The following ZMYM2 variants were observed in gnomAD, a reference collection of about 807,000 sequenced individuals.
ZMYM2 encodes the protein zinc finger MYM-type protein 2.
Under a neutral mutation model 162.8 loss-of-function variants are expected in ZMYM2, and 56 were observed. The ratio of observed to expected loss-of-function variants is 0.34; its 90% CI spans 0.28 to 0.43. The LOEUF (loss-of-function observed/expected upper bound fraction) is 0.43. Among genes scored for constraint, ZMYM2 ranks in the 20% least tolerant of loss-of-function variants. The probability of loss-of-function intolerance (pLI) is 1.00; values close to 1 mark genes in which losing one functional copy is unlikely to be tolerated. For synonymous variants in ZMYM2, 510 were observed against 541.6 expected (o/e 0.94, Z 0.81); for missense variants, 1,275 against 1,621.8 (o/e 0.79, Z 3.67).
At chr13:19,944,665 T>A in the ZMYM2 span, among the ~76,000 whole-genome samples, 1 of 152,124 alleles carries the variant, frequency 6.6e-6, no homozygotes, top group African/African-American at 2.4e-5. Context: ...CACCTCTCCT[T>A]CCATGTCCTA....
the ZMYM2 span, among the ~76,000 whole-genome samples, chr13:19,883,018 C>A: frequency 6.6e-6 from 1 of 151,910 alleles, no homozygotes; most frequent in Non-Finnish European, 1.5e-5. Context: ...CATTAATGGA[C>A]GAAAGGATAA....
At chr13:20,019,251 G>A (rs537248668) in intron 6 of ZMYM2, among the ~76,000 whole-genome samples, 12 of 152,264 alleles carry the variant, frequency 7.9e-5, no homozygotes, top group Admixed American at 2.0e-4. Flanking sequence ...CAAATTAGAA[G>A]TGATTTTACT....
At chr13:20,083,084 C>CA (rs1322610722) in intron 23 of ZMYM2, 52 bp downstream of exon 23, 7 of 1,473,142 alleles carry the variant, frequency 4.8e-6, no homozygotes, top group African/African-American at 1.4e-5. Context: ...TTTTTTGAGA[C>CA]AGAGTTTCAC....
At chr13:20,056,687 T>C (rs1955820328) in intron 14 of ZMYM2, among the ~76,000 whole-genome samples, 1 of 152,076 alleles carries the variant, frequency 6.6e-6, no homozygotes, top group Non-Finnish European at 1.5e-5. Context: ...AAAGAAATTA[T>C]AAAGAACAAT....
the ZMYM2 span, among the ~76,000 whole-genome samples, chr13:19,947,942 A>G: frequency 6.6e-6 from 1 of 152,136 alleles, no homozygotes; most frequent in Non-Finnish European, 1.5e-5. Context: ...TAATAAAAAA[A>G]ATTAGCAAGA....
chr13:19,906,678 C>T, the ZMYM2 span, among the ~76,000 whole-genome samples: 8 of 151,760 alleles, frequency 5.3e-5, no homozygotes, highest in Non-Finnish European at 2.9e-5. Flanking sequence ...TGGGCTTAAG[C>T]GAGCCTTCTG....
the ZMYM2 span, among the ~76,000 whole-genome samples, chr13:19,885,886 TATATGTGTATACAC>T: frequency 1.8e-5 from 2 of 112,142 alleles, 1 homozygote; most frequent in African/African-American, 7.0e-5. Context: ...TATACACATA[TATATGTGTATACAC>T]ATATATATGT....
intron 21 of ZMYM2, among the ~76,000 whole-genome samples, chr13:20,077,348 TAA>T (rs1180143460): frequency 6.6e-6 from 1 of 150,668 alleles, no homozygotes; most frequent in Admixed American, 6.6e-5. Context: ...TATGAGGAAG[TAA>T]AGTTACTTGC....
At chr13:20,062,729 T>C in intron 17 of ZMYM2, 117 bp from the exon 18 acceptor site, 1 of 1,061,650 alleles carries the variant, frequency 9.4e-7, no homozygotes, top group Non-Finnish European at 1.3e-6. Context: ...TTTGTGACAT[T>C]ATACGTATTT....
At chr13:20,083,911 T>C (rs1229589087) in intron 24 of ZMYM2, 135 bp downstream of exon 24, 1 of 882,446 alleles carries the variant, frequency 1.1e-6, no homozygotes, top group East Asian at 2.7e-5. Flanking sequence ...CCCAAGTTCA[T>C]TCAGTTATAA....
chr13:20,006,265 C>A, intron 5 of ZMYM2, 109 bp from the exon 6 acceptor site: 7 of 1,128,766 alleles, frequency 6.2e-6, no homozygotes, highest in Non-Finnish European at 7.1e-6. Context: ...TTTTCCTTTT[C>A]TCCAAACAAG....
the ZMYM2 span, among the ~76,000 whole-genome samples, chr13:19,911,652 T>C: frequency 1.6e-3 from 251 of 152,286 alleles, no homozygotes; most frequent in African/African-American, 5.8e-3. Context: ...AATAGAGTTT[T>C]AGCTGAAGTC....
chr13:19,975,159 A>G (rs1373794667), intron 2 of ZMYM2, among the ~76,000 whole-genome samples: 2 of 129,992 alleles, frequency 1.5e-5, no homozygotes, highest in Admixed American at 8.9e-5. Flanking sequence ...TTTCCCCCAT[A>G]TGGTGTCTTC....
At chr13:20,009,365 A>G (rs1950992760) in intron 6 of ZMYM2, among the ~76,000 whole-genome samples, 1 of 152,222 alleles carries the variant, frequency 6.6e-6, no homozygotes, top group African/African-American at 2.4e-5. Context: ...ATTCCAGAGC[A>G]TAAAAAGGAC....
the ZMYM2 span, among the ~76,000 whole-genome samples, chr13:19,887,883 A>AT: frequency 1.7e-3 from 241 of 142,526 alleles, no homozygotes; most frequent in South Asian, 3.4e-3. Flanking sequence ...CCTTCAAGTA[A>AT]TTTTTTTTTT....
chr13:19,875,505 A>G, the ZMYM2 span, among the ~76,000 whole-genome samples: 2 of 151,392 alleles, frequency 1.3e-5, no homozygotes, highest in Non-Finnish European at 2.9e-5. Context: ...GTGCGCGCCT[A>G]TAGTGCCAGC....
chr13:19,923,527 C>CTTT, the ZMYM2 span, among the ~76,000 whole-genome samples: 2 of 147,112 alleles, frequency 1.4e-5, no homozygotes, highest in African/African-American at 5.0e-5. Flanking sequence ...TGTTTGGGGT[C>CTTT]TTTTTTTTTT....
At chr13:19,941,744 G>A in the ZMYM2 span, among the ~76,000 whole-genome samples, 1 of 4,734 alleles carries the variant, frequency 2.1e-4, no homozygotes, top group Non-Finnish European at 6.3e-4. Context: ...TTTTTTTTTT[G>A]GCAGAGGGCT....
the ZMYM2 span, among the ~76,000 whole-genome samples, chr13:19,912,292 G>GTTTTTTTTTTTTTTTTT: frequency 1.3e-5 from 1 of 75,712 alleles, no homozygotes; most frequent in Non-Finnish European, 2.5e-5. Context: ...TGTTTTTTGG[G>GTTTTTTTTTTTTTTTTT]TTTTTTTTTT....
Sources: gnomAD v4.1 joint callset for allele counts (sites outside exome capture counted in the v4.1 genomes callset) on GRCh38, gnomAD v4.1.1 for gene constraint, MANE v1.5 for transcripts, NCBI Gene and HGNC (gene_info 2026-07-23, HGNC 2026-07-21) for gene names.